Variants in RIN2 observed in about 807,000 individuals in gnomAD.
RIN2 encodes RAB5 interacting protein 2.
Under a neutral mutation model 78.0 loss-of-function variants are expected in RIN2, and 36 were observed. The ratio of observed to expected loss-of-function variants is 0.46; its 90% CI spans 0.35 to 0.61. The LOEUF (loss-of-function observed/expected upper bound fraction) is 0.61. Ranked by LOEUF, RIN2 falls within the 20% of genes least tolerant of loss-of-function variation. The probability of loss-of-function intolerance (pLI) is 0.00; values close to 1 mark genes in which losing one functional copy is unlikely to be tolerated. For missense variants in RIN2, 1,087 were observed against 1,159.7 expected (o/e 0.94, Z 0.91); for synonymous variants, 466 against 466.8 (o/e 1.00, Z 0.02).
chr20:19,953,532 C>T (rs929042716), intron 4 of RIN2, among the ~76,000 whole-genome samples: 13 of 152,108 alleles, frequency 8.5e-5, no homozygotes, highest in Non-Finnish European at 1.9e-4. Flanking sequence ...CTCCGCCTCC[C>T]CAAGTTCAAG....
At chr20:19,912,011 C>T (rs1044415031) in intron 3 of RIN2, among the ~76,000 whole-genome samples, 2 of 152,178 alleles carry the variant, frequency 1.3e-5, no homozygotes, top group African/African-American at 4.8e-5. Context: ...CCTTTTAGTT[C>T]AGGTTTTACT....
At chr20:19,951,605 A>G (rs903459485) in intron 4 of RIN2, among the ~76,000 whole-genome samples, 1 of 152,124 alleles carries the variant, frequency 6.6e-6, no homozygotes, top group Non-Finnish European at 1.5e-5. Context: ...TTTTAAGACT[A>G]TGACTATCCT....
chr20:19,858,036 C>A (rs916455098), intron 2 of RIN2, among the ~76,000 whole-genome samples: 4 of 152,000 alleles, frequency 2.6e-5, no homozygotes, highest in African/African-American at 9.7e-5. Context: ...ATGTCTTATT[C>A]ATTCACTTTT....
intron 2 of RIN2, chr20:19,889,129 A>G (rs2038325826): frequency 1.0e-6 from 1 of 985,420 alleles, no homozygotes; most frequent in East Asian, 1.1e-4. Context: ...AGCAGAGCTA[A>G]GGATGACCTC....
chr20:19,958,627 G>A (rs937306125), intron 5 of RIN2, among the ~76,000 whole-genome samples: 3 of 152,238 alleles, frequency 2.0e-5, no homozygotes, highest in Non-Finnish European at 4.4e-5. Context: ...CCAGCACTTT[G>A]GGAGGCCAAG....
chr20:19,930,284 G>T (rs1054229107), intron 3 of RIN2, among the ~76,000 whole-genome samples: 3 of 152,208 alleles, frequency 2.0e-5, no homozygotes, highest in Non-Finnish European at 2.9e-5. Context: ...AGGTGGCATG[G>T]CATGATTGGT....
At chr20:19,764,918 G>GTTTTTTGTT (rs2033806296) in intron 1 of RIN2, among the ~76,000 whole-genome samples, 3 of 50,362 alleles carry the variant, frequency 6.0e-5, no homozygotes, top group African/African-American at 1.9e-4. Flanking sequence ...CACTTTCTGC[G>GTTTTTTGTT]TTTTTTTTTT....
intron 2 of RIN2, among the ~76,000 whole-genome samples, chr20:19,849,804 T>A (rs2036904434): frequency 6.6e-6 from 1 of 151,744 alleles, no homozygotes. Flanking sequence ...AAAGCCAGGG[T>A]TTTGTGGTTT....
At chr20:19,843,314 A>G (rs561868480) in intron 2 of RIN2, among the ~76,000 whole-genome samples, 1 of 152,346 alleles carries the variant, frequency 6.6e-6, no homozygotes, top group East Asian at 1.9e-4. Flanking sequence ...CTATCAAACA[A>G]CATCACATGC....
chr20:19,947,022 T>TA lies in RIN2; in HGVS notation c.159-9576dup, dbSNP rs35136029. 8.2e-3 allele frequency among the ~76,000 whole-genome samples: 955 copies of TA among 116,090 alleles called. 10 individuals are homozygous for TA. Among genetic ancestry groups the TA allele is most frequent in the South Asian group, 0.04 (147 of 3,674 alleles). 76.2% of individuals were successfully genotyped at this position (116,090 alleles called of 152,430 possible). A position where few individuals can be genotyped will look rare whatever the true frequency, so the allele number is the denominator to read the frequency against. On this transcript the variant is annotated intron_variant, in intron 4 of 12. Coordinates refer to ENST00000255006, the MANE Select transcript of RIN2 (RefSeq NM_018993.4). The stretch of plus-strand genomic sequence containing the variant: ...CTCCAGCCTGGGTGTCAGACTGTCT[T>TA]AAAAAAAAAAAAAAAAAGCAAATTC...
At chr20:19,760,179 A>G (rs1043386111) in intron 1 of RIN2, among the ~76,000 whole-genome samples, 2 of 152,236 alleles carry the variant, frequency 1.3e-5, no homozygotes, top group Non-Finnish European at 2.9e-5. Flanking sequence ...CAGAGAGAGC[A>G]TCACAGGCTA....
chr20:19,843,269 C>A (rs1429516830), intron 2 of RIN2, among the ~76,000 whole-genome samples: 1 of 152,120 alleles, frequency 6.6e-6, no homozygotes, highest in Non-Finnish European at 1.5e-5. Context: ...GAAGATTACT[C>A]CAATTTTGAA....
At chr20:19,993,272 T>TC (rs2042851623) in intron 11 of RIN2, among the ~76,000 whole-genome samples, 1 of 147,926 alleles carries the variant, frequency 6.8e-6, no homozygotes, top group Non-Finnish European at 1.5e-5. Context: ...TGTCACGGTT[T>TC]CGTTTTTTTT....
Position 19,975,103 on chromosome 20 carries a change from C to G in RIN2, c.1078C>G (p.Arg360Gly), listed in dbSNP as rs768703354. 1.3e-5 allele frequency: 21 copies of G among 1,613,366 alleles called. No individual in the cohort carries two copies. The highest frequency in any genetic ancestry group is 1.7e-5 in the Non-Finnish European group (20 of 1,179,910). Residue 360 changes from arginine to glycine, a missense_variant, in exon 9 of 13, where the codon CGG (arginine) becomes GGG (glycine). Arg to Gly is a moderately radical substitution (Grantham distance 125). Around this residue, in one of 8 missense-constraint regions of RIN2, gnomAD observed 706 missense variants for 667.5 expected, o/e 1.06. Coordinates refer to ENST00000255006, the MANE Select transcript of RIN2 (RefSeq NM_018993.4). This position sits in a 1 kb window ranked among gnomAD's most constrained non-coding sequence, Gnocchi z 4.9. ...GAAACCAACTCCCATCCCTCCACCC[C>G]GGCTGAAGAAGCAGGCTTCTTTTCT... is the stretch of plus-strand genomic sequence containing the variant. The part of the protein sequence containing the change: ...GTKPTPIPPP[R>G]LKKQASFLEA...
chr20:19,818,242 T>C (rs909267882), intron 2 of RIN2, among the ~76,000 whole-genome samples: 1 of 152,220 alleles, frequency 6.6e-6, no homozygotes, highest in Admixed American at 6.5e-5. Flanking sequence ...TCCATTATAA[T>C]CTTATGGCAC....
rs772457108 is a variant in RIN2, at chr20:19,975,772, C to T, written c.1747C>T (p.Pro583Ser). 3 of 1,610,460 alleles carry T rather than the reference C, an allele frequency of 1.9e-6. No individual in the cohort carries two copies. Among genetic ancestry groups the T allele is most frequent in the Admixed American group, 1.7e-5 (1 of 59,678 alleles). The change falls in exon 9 of 13, where the codon CCT (proline) becomes TCT (serine). Residue 583 changes from proline (P) to serine (S), a missense_variant. Transcript: ENST00000255006. The surrounding 1 kb of genome is among the most constrained non-coding windows in gnomAD (Gnocchi z 4.9). ...GGACCCCCCCATCGAGTCGCTGATC[C>T]CTGAAGACCAAATAGGTAAGTACCC... ...ELDPPIESLI[P>S]EDQIDVVLEK...
chr20:19,989,803 C>T (rs555510920), intron 9 of RIN2, among the ~76,000 whole-genome samples: 4 of 152,298 alleles, frequency 2.6e-5, no homozygotes, highest in East Asian at 1.9e-4. Flanking sequence ...GGGGAAGATT[C>T]GGTCTTCCTG....
At chr20:19,833,080 C>T (rs572701427) in intron 2 of RIN2, among the ~76,000 whole-genome samples, 4 of 152,256 alleles carry the variant, frequency 2.6e-5, no homozygotes, top group South Asian at 4.1e-4. Context: ...TGAAAGCTCC[C>T]GCCCACAGTT....
chr20:19,977,406 A>G (rs6046497), intron 9 of RIN2, among the ~76,000 whole-genome samples: 227 of 126,320 alleles, frequency 1.8e-3, no homozygotes, highest in African/African-American at 5.9e-3. Context: ...TTTCTCCAAA[A>G]AACATGCTAA....
Sources: gnomAD v4.1 joint callset for allele counts (sites outside exome capture counted in the v4.1 genomes callset) on GRCh38, gnomAD v4.1.1 for gene constraint, gnomAD v4.1.1 regional missense constraint, Gnocchi (gnomAD v3.1) non-coding constraint, MANE v1.5 for transcripts, NCBI Gene and HGNC (gene_info 2026-07-23, HGNC 2026-07-21) for gene names.